Variants in TSPAN4 observed in about 807,000 individuals in gnomAD.
TSPAN4 encodes the protein tetraspanin-4.
A neutral mutation model predicts 31.5 loss-of-function variants in TSPAN4; 38 were observed. The observed-to-expected ratio is 1.21, with a 90% CI of 0.93 to 1.58. The LOEUF is 1.58. Ranked by LOEUF, TSPAN4 falls within the 40% of genes most tolerant of loss-of-function variation. The probability of loss-of-function intolerance (pLI) is 0.00; values close to 1 mark genes in which losing one functional copy is unlikely to be tolerated. For synonymous variants in TSPAN4, 186 were observed against 144.6 expected (o/e 1.29, Z -2.06); for missense variants, 330 against 317.3 (o/e 1.04, Z -0.30).
At chr11:866,446 C>T (rs868389120) in intron 8 of TSPAN4, 116 bp from the exon 9 acceptor site, 18 of 923,084 alleles carry the variant, frequency 1.9e-5, no homozygotes, top group South Asian at 6.9e-5. Flanking sequence ...GCCACTGTGT[C>T]GCCCACCCTG....
intron 4 of TSPAN4, 58 bp downstream of exon 4, chr11:862,799 T>A: frequency 6.7e-7 from 1 of 1,501,802 alleles, no homozygotes; most frequent in Non-Finnish European, 8.9e-7. Flanking sequence ...GGGGCTCCGG[T>A]GGCCCCCAGG....
intron 3 of TSPAN4, among the ~76,000 whole-genome samples, chr11:858,949 A>G (rs1589781187): frequency 2.4e-5 from 1 of 42,534 alleles, no homozygotes; most frequent in South Asian, 8.6e-4. Flanking sequence ...CACCCCCAAC[A>G]GCTTGCACCC....
rs557204003 is a variant in TSPAN4 at position 859,750 on chromosome 11, C to G, written c.64-2800C>G. 9.1e-5 allele frequency: 14 copies of G among 153,212 alleles called. No homozygotes were observed. In the East Asian group the frequency reaches 1.9e-3, roughly 21 times the overall value. 9.5% of individuals were successfully genotyped at this position (153,212 alleles called of 1,614,324 possible). A position where few individuals can be genotyped will look rare whatever the true frequency, so the allele number is the denominator to read the frequency against. On this transcript the variant is annotated intron_variant, in intron 3 of 8. Coordinates refer to ENST00000397397, the MANE Select transcript of TSPAN4 (RefSeq NM_003271.5). ...GCTGTGCTGGCTGCCACCCCCAAGC[C>G]TCTTCCTGGTCTCCTGGGAAGCCTC...
chr11:845,743 A>G (rs1847283443), intron 1 of TSPAN4, among the ~76,000 whole-genome samples: 1 of 151,956 alleles, frequency 6.6e-6, no homozygotes, highest in Non-Finnish European at 1.5e-5. Flanking sequence ...GATTACAGGG[A>G]AGGCCTGGAG....
intron 1 of TSPAN4, among the ~76,000 whole-genome samples, chr11:844,744 C>T (rs867940171): frequency 1.4e-5 from 2 of 147,902 alleles, no homozygotes; most frequent in African/African-American, 2.6e-5. Flanking sequence ...GAGGGTGAGG[C>T]GCTGGTTTTA....
At chr11:866,022 G>A in intron 8 of TSPAN4, 21 bp downstream of exon 8, 1 of 1,609,706 alleles carries the variant, frequency 6.2e-7, no homozygotes, top group Non-Finnish European at 8.5e-7. Context: ...GGGGCCTGCG[G>A]GCTCCCTGCC....
In TSPAN4 at chr11:865,500, C is replaced by G. The variant is rs756602641; in HGVS notation, c.331-13C>G. The G allele has an allele frequency of 5.6e-6, 9 of 1,607,230 alleles. No individual in the cohort carries two copies. Among genetic ancestry groups the G allele is most frequent in the Admixed American group, 5.0e-5 (3 of 59,828 alleles). On this transcript the variant is annotated splice_polypyrimidine_tract_variant and intron_variant, in intron 5 of 8. Transcript: ENST00000397397. ...AGTGGGAGGGGCCCTGCTGACCCCCCCCGCACCCCCAGATTGACAGGTATG... is the reference window on the plus strand; with the variant it reads ...AGTGGGAGGGGCCCTGCTGACCCCCGCCGCACCCCCAGATTGACAGGTATG...
intron 3 of TSPAN4, 86 bp downstream of exon 3, chr11:850,453 C>T (rs981913830): frequency 1.2e-5 from 14 of 1,197,802 alleles, no homozygotes; most frequent in African/African-American, 4.5e-5. Flanking sequence ...GTCGGAGTCG[C>T]TGCCCCGGCC....
chr11:848,275 G>T lies in TSPAN4; in HGVS notation c.-18+975G>T, dbSNP rs758099168. Among the ~76,000 whole-genome samples, 7 of 152,148 alleles carry T rather than the reference G, an allele frequency of 4.6e-5. No homozygotes were observed. Among genetic ancestry groups the T allele is most frequent in the Non-Finnish European group, 8.8e-5 (6 of 68,012 alleles). ...TGGCCGCCGTTCTGACCCATTCCTG[G>T]GGCCCAGACCCACCAAAGAACCCCC... On this transcript the variant is annotated intron_variant, in intron 2 of 8. Coordinates refer to ENST00000397397, the MANE Select transcript of TSPAN4 (RefSeq NM_003271.5). This position sits in a 1 kb window ranked among gnomAD's most constrained non-coding sequence, Gnocchi z 5.7.
intron 8 of TSPAN4, 44 bp from the exon 9 acceptor site, chr11:866,518 A>G (rs747926993): frequency 1.3e-6 from 2 of 1,589,590 alleles, no homozygotes; most frequent in Non-Finnish European, 1.7e-6. Flanking sequence ...TTGAGGCCTG[A>G]GCCTGTGGAG....
intron 3 of TSPAN4, chr11:859,518 T>G (rs1164868703): frequency 6.9e-5 from 4 of 57,596 alleles, no homozygotes; most frequent in African/African-American, 2.1e-4. Flanking sequence ...ACGCACCCCC[T>G]CTTACACGCA....
At position 861,699 on chromosome 11, in the gene TSPAN4, G is replaced by A. The variant is rs189895064; in HGVS notation, c.64-851G>A. Among the ~76,000 whole-genome samples the A allele has an allele frequency of 1.4e-3, 206 of 151,836 alleles. 4 individuals are homozygous for A. Among genetic ancestry groups the A allele is most frequent in the South Asian group, 0.01 (48 of 4,798 alleles). Reference sequence around the variant, plus strand: ...TGCACTCCAGCCTGGGTGACAGTGCGAGACTCGGTATCAAAAAAAAAACAA... The same window carrying A: ...TGCACTCCAGCCTGGGTGACAGTGCAAGACTCGGTATCAAAAAAAAAACAA... On this transcript the variant is annotated intron_variant, in intron 3 of 8. Transcript: ENST00000397397.
At position 865,276 on chromosome 11, in the gene TSPAN4, C is replaced by T. The variant is rs553608266; in HGVS notation, c.331-237C>T. The T allele has an allele frequency of 1.7e-4, 99 of 567,802 alleles. No homozygotes were observed. The South Asian group carries it at 2.0e-3, about 11-fold the overall frequency. The allele number at this position is 567,802 out of a possible 1,614,324, so 35.2% of individuals were successfully genotyped here. On this transcript the variant is annotated intron_variant, in intron 5 of 8. Coordinates refer to ENST00000397397, the MANE Select transcript of TSPAN4 (RefSeq NM_003271.5). ...GCACCTGTGTCCCTGTCCTCTGTCC[C>T]CCCAGGACCCATGGTCCTCCCCCAG... is the stretch of plus-strand genomic sequence containing the variant.
intron 3 of TSPAN4, among the ~76,000 whole-genome samples, chr11:859,954 C>A (rs1848360768): frequency 1.3e-5 from 2 of 152,136 alleles, no homozygotes; most frequent in South Asian, 4.1e-4. Context: ...CAGGGGTGAC[C>A]CCTCTTCCTG....
chr11:846,011 G>A (rs1200558870), intron 1 of TSPAN4, among the ~76,000 whole-genome samples: 11 of 152,206 alleles, frequency 7.2e-5, no homozygotes, highest in Non-Finnish European at 1.5e-5. Flanking sequence ...CCCCGCAGGG[G>A]CTGAGGCAGC....
At chr11:865,882 G>A in intron 7 of TSPAN4, 36 bp from the exon 8 acceptor site, 1 of 1,612,716 alleles carries the variant, frequency 6.2e-7, no homozygotes. Context: ...GGACCAGCAG[G>A]CCCTGCCGTG....
chr11:854,510 C>T (rs74046658), intron 3 of TSPAN4, among the ~76,000 whole-genome samples: 23,283 of 152,160 alleles, frequency 0.15, 1,869 homozygotes, highest in East Asian at 0.23. Context: ...CGCTGATCCC[C>T]GGGGAGACCC....
In TSPAN4 at chr11:862,723, C is replaced by G. The variant is rs561781088; in HGVS notation, c.237C>G (p.Asn79Lys). 6.2e-7 allele frequency: 1 copy of G among 1,611,860 alleles called. No homozygotes were observed. The highest frequency in any genetic ancestry group is 8.5e-7 in the Non-Finnish European group (1 of 1,179,160). Residue 79 changes from asparagine (N) to lysine (K), a missense_variant, in exon 4 of 9, where the codon AAC becomes AAG. By Grantham distance (94) the Asn-to-Lys change is moderately conservative. Coordinates refer to ENST00000397397, the MANE Select transcript of TSPAN4 (RefSeq NM_003271.5). ...GCTGCCTGGGTGCCATCAAGGAGAA[C>G]AAGTGCCTCCTGCTCACTGTGAGTG... ...FVGCLGAIKE[N>K]KCLLLTFFLL...
rs143659084 is a variant in TSPAN4, at chr11:862,615, G to T, written c.129G>T (p.Thr43=). 11 of 1,613,010 alleles carry T rather than the reference G, an allele frequency of 6.8e-6. No homozygotes were observed. In the African/African-American group the frequency reaches 1.2e-4, roughly 18 times the overall value. The change falls in exon 4 of 9, where the codon ACG becomes ACT. Residue 43 remains threonine, a synonymous_variant. Coordinates refer to ENST00000397397, the MANE Select transcript of TSPAN4 (RefSeq NM_003271.5). ...WLAATQGSFA[T]LSSSFPSLSA... Reference sequence around the variant, plus strand: ...CCGCCACACAGGGGAGCTTCGCCACGCTGTCCTCTTCCTTCCCGTCCCTGT... The same window carrying T: ...CCGCCACACAGGGGAGCTTCGCCACTCTGTCCTCTTCCTTCCCGTCCCTGT...
Sources: allele counts gnomAD v4.1 joint callset (sites outside exome capture counted in the v4.1 genomes callset), GRCh38; gene constraint gnomAD v4.1.1; non-coding constraint Gnocchi (gnomAD v3.1); transcripts MANE v1.5; gene names NCBI Gene and HGNC (gene_info 2026-07-23, HGNC 2026-07-21).